Variants in MORN5 observed in about 807,000 individuals in gnomAD.
MORN5 encodes MORN repeat-containing protein 5.
MORN5 carries 21 observed loss-of-function variants against 22.1 expected under a neutral mutation model. The ratio of observed to expected loss-of-function variants is 0.95; its 90% CI spans 0.67 to 1.37. MORN5 has a LOEUF of 1.37. Ranked by LOEUF, MORN5 falls within the 40% of genes most tolerant of loss-of-function variation. The pLI is 0.00. For synonymous variants in MORN5, 73 were observed against 74.0 expected (o/e 0.99, Z 0.07); for missense variants, 211 against 215.1 (o/e 0.98, Z 0.12).
rs571819672 is a variant in MORN5, at chr9:122,161,005, G to A, written c.47+986G>A. 9.8e-4 allele frequency among the ~76,000 whole-genome samples: 150 copies of A among 152,318 alleles called. 3 individuals are homozygous for A. The highest frequency in any genetic ancestry group is 5.9e-5 in the Non-Finnish European group (4 of 68,022). On this transcript the variant is annotated intron_variant, in intron 1 of 4. Coordinates refer to ENST00000373764, the MANE Select transcript of MORN5 (RefSeq NM_198469.4). ...ACAAGTAGACATAACAGATAACTGC[G>A]ATTCAGTGTGGTAAGAGCTGTAGTA... is the stretch of plus-strand genomic sequence containing the variant.
rs1368793150 is a variant in MORN5 at position 122,159,943 on chromosome 9, C to T, written c.-30C>T. 1 of 1,612,080 alleles carries T rather than the reference C, an allele frequency of 6.2e-7. No homozygotes were observed. Among genetic ancestry groups the T allele is most frequent in the Non-Finnish European group, 8.5e-7 (1 of 1,178,184 alleles). ...TGCCGTATCCACTGAGACTCCGGAT[C>T]CTAACAGCTGGAAGCTAAAAACAGG... is the stretch of plus-strand genomic sequence containing the variant. On this transcript the variant is annotated 5_prime_UTR_variant, in exon 1 of 5. Coordinates refer to ENST00000373764, the MANE Select transcript of MORN5 (RefSeq NM_198469.4).
At chr9:122,163,451 A>G (rs1049258620) in intron 1 of MORN5, among the ~76,000 whole-genome samples, 5 of 152,258 alleles carry the variant, frequency 3.3e-5, no homozygotes, top group African/African-American at 9.6e-5. Flanking sequence ...GGCCACATAC[A>G]GTCGGAGCCG....
chr9:122,172,623 T>G (rs1255968132), intron 3 of MORN5, among the ~76,000 whole-genome samples: 1 of 152,190 alleles, frequency 6.6e-6, no homozygotes, highest in Non-Finnish European at 1.5e-5. Context: ...AAGGTCTCCC[T>G]GTGGCATATC....
rs540886825 is a variant in MORN5, at chr9:122,197,959, A to G, written c.440-1926A>G. Among the ~76,000 whole-genome samples, 1 of 152,300 alleles carries G rather than the reference A, an allele frequency of 6.6e-6. No individual in the cohort carries two copies. The highest frequency in any genetic ancestry group is 2.1e-4 in the South Asian group (1 of 4,830). ...CACTGGCTGCTTGCCAGAGTGTGCC[A>G]GGCAGCAAGCCGTTTTCCTTAGGTC... On this transcript the variant is annotated intron_variant, in intron 4 of 4. Transcript: ENST00000373764. The surrounding 1 kb of genome is among the most constrained non-coding windows in gnomAD (Gnocchi z 5.7).
At chr9:122,183,265 C>T (rs1336740923) in intron 4 of MORN5, among the ~76,000 whole-genome samples, 2 of 152,202 alleles carry the variant, frequency 1.3e-5, no homozygotes, top group Non-Finnish European at 2.9e-5. Flanking sequence ...CTTCCCCCTC[C>T]TACACGTCCC....
At chr9:122,161,480 T>A (rs1342851469) in intron 1 of MORN5, among the ~76,000 whole-genome samples, 2 of 152,186 alleles carry the variant, frequency 1.3e-5, no homozygotes, top group Non-Finnish European at 2.9e-5. Flanking sequence ...AGTGAGATAG[T>A]TCAGGCTGAC....
chr9:122,176,327 G>C (rs992604188), intron 4 of MORN5, among the ~76,000 whole-genome samples: 3 of 152,122 alleles, frequency 2.0e-5, no homozygotes, highest in African/African-American at 7.2e-5. Context: ...TCTGCTGGGT[G>C]CTAATAGGTT....
chr9:122,161,231 G>T (rs1829193646), intron 1 of MORN5, among the ~76,000 whole-genome samples: 2 of 152,206 alleles, frequency 1.3e-5, no homozygotes, highest in South Asian at 2.1e-4. Context: ...GAATTCCAGG[G>T]CATTCTGAGT....
chr9:122,198,979 T>C (rs956493403), intron 4 of MORN5, among the ~76,000 whole-genome samples: 5 of 152,174 alleles, frequency 3.3e-5, no homozygotes, highest in African/African-American at 1.2e-4. Context: ...GAGGGGTCTC[T>C]ATCCCACCAT....
In MORN5 at chr9:122,198,180, T is replaced by A. The variant is rs546377992; in HGVS notation, c.440-1705T>A. On this transcript the variant is annotated intron_variant, in intron 4 of 4. Transcript: ENST00000373764. ...GTTACAAAGATCCAATGAGACACAGTGTCTGCAAAGCACCAAGCACACATA... is the reference window on the plus strand; with the variant it reads ...GTTACAAAGATCCAATGAGACACAGAGTCTGCAAAGCACCAAGCACACATA... 8.9e-4 allele frequency among the ~76,000 whole-genome samples: 135 copies of A among 152,304 alleles called. 1 individual carries two copies. Among genetic ancestry groups the A allele is most frequent in the Non-Finnish European group, 1.5e-3 (103 of 68,032 alleles).
At chr9:122,178,721 G>A (rs1564418830) in intron 4 of MORN5, among the ~76,000 whole-genome samples, 1 of 152,152 alleles carries the variant, frequency 6.6e-6, no homozygotes, top group East Asian at 1.9e-4. Context: ...CTTTTTACCA[G>A]TAGGGTGATC....
At chr9:122,179,444 A>G (rs1463719590) in intron 4 of MORN5, among the ~76,000 whole-genome samples, 1 of 152,182 alleles carries the variant, frequency 6.6e-6, no homozygotes, top group Non-Finnish European at 1.5e-5. Flanking sequence ...AGAGAGGAGC[A>G]TGTGAAGGGC....
At chr9:122,169,012 G>C (rs1829328352) in intron 2 of MORN5, among the ~76,000 whole-genome samples, 1 of 152,090 alleles carries the variant, frequency 6.6e-6, no homozygotes, top group Admixed American at 6.5e-5. Flanking sequence ...TGAGAACCAG[G>C]AATGCTGATG....
chr9:122,191,955 T>C (rs903929635), intron 4 of MORN5, among the ~76,000 whole-genome samples: 2 of 152,222 alleles, frequency 1.3e-5, no homozygotes, highest in African/African-American at 4.8e-5. Flanking sequence ...GGCATCCATT[T>C]TGGGAATGAA....
chr9:122,184,119 A>G (rs1829575932), intron 4 of MORN5, among the ~76,000 whole-genome samples: 2 of 152,176 alleles, frequency 1.3e-5, no homozygotes, highest in African/African-American at 4.8e-5. Context: ...CAGACCCTCA[A>G]CCAAGGGGTA....
intron 4 of MORN5, among the ~76,000 whole-genome samples, chr9:122,196,360 A>G (rs1403967479): frequency 6.8e-6 from 1 of 145,988 alleles, no homozygotes; most frequent in East Asian, 2.0e-4. Flanking sequence ...TTTGAGACAG[A>G]GTCTTGCTCT....
In MORN5 at chr9:122,166,754, C is replaced by T. The variant is rs1011175773; in HGVS notation, c.48-14C>T. The stretch of plus-strand genomic sequence containing the variant: ...TGTCACACAGGGCTCAGTGATTTCC[C>T]TGTGTCTTTACAGGATGGAGGGCAA... On this transcript the variant is annotated splice_polypyrimidine_tract_variant and intron_variant, in intron 1 of 4. Coordinates refer to ENST00000373764, the MANE Select transcript of MORN5 (RefSeq NM_198469.4). The T allele has an allele frequency of 3.1e-6, 5 of 1,610,118 alleles. No homozygotes were observed. Among genetic ancestry groups the T allele is most frequent in the Non-Finnish European group, 4.2e-6 (5 of 1,177,858 alleles).
At chr9:122,163,503 C>T (rs1383847949) in intron 1 of MORN5, among the ~76,000 whole-genome samples, 1 of 152,156 alleles carries the variant, frequency 6.6e-6, no homozygotes, top group Non-Finnish European at 1.5e-5. Context: ...TGAAATGGGC[C>T]TTGAAGGTTG....
chr9:122,169,069 A>T (rs970468460), intron 2 of MORN5, among the ~76,000 whole-genome samples: 2 of 152,142 alleles, frequency 1.3e-5, no homozygotes, highest in Non-Finnish European at 2.9e-5. Context: ...AGAGACAGGG[A>T]ATTGGCGCTT....
Sources: gnomAD v4.1 joint callset for allele counts (sites outside exome capture counted in the v4.1 genomes callset) on GRCh38, gnomAD v4.1.1 for gene constraint, Gnocchi (gnomAD v3.1) non-coding constraint, MANE v1.5 for transcripts, NCBI Gene and HGNC (gene_info 2026-07-23, HGNC 2026-07-21) for gene names.